Variants in DYM observed in about 807,000 individuals in gnomAD.
DYM encodes dyggve-Melchior-Clausen syndrome protein.
Under a neutral mutation model 93.1 loss-of-function variants are expected in DYM, and 78 were observed. The ratio of observed to expected loss-of-function variants is 0.84; its 90% CI spans 0.70 to 1.01. The LOEUF is 1.01. DYM is among the 50% of genes least tolerant of loss of function. The pLI, the probability that DYM is intolerant of heterozygous loss-of-function variation, is 0.00. For synonymous variants in DYM, 321 were observed against 319.7 expected (o/e 1.00, Z -0.04); for missense variants, 789 against 845.0 (o/e 0.93, Z 0.82).
intron 2 of DYM, among the ~76,000 whole-genome samples, chr18:49,410,147 C>T (rs2072056122): frequency 1.3e-5 from 2 of 152,144 alleles, no homozygotes; most frequent in Non-Finnish European, 2.9e-5. Flanking sequence ...CTCACTGCCG[C>T]TTAGAACTCC....
At chr18:49,049,950 T>G (rs2144312386) in intron 17 of DYM, among the ~76,000 whole-genome samples, 1 of 152,316 alleles carries the variant, frequency 6.6e-6, no homozygotes, top group East Asian at 1.9e-4. Context: ...CAAAGCTGTT[T>G]CAGTAAGAGA....
In DYM at chr18:49,379,717, T is replaced by C. The variant is rs1334023766; in HGVS notation, c.235A>G (p.Lys79Glu). ...PRTGNLGALI[K>E]VFLSRTKELK... ...TCTTTGGTTCTAGAAAGGAAGACCT[T>C]AATTAGTGCACCAAGATTTCCTGTT... Residue 79 changes from lysine to glutamate, a missense_variant, in exon 4 of 18, where the codon AAG becomes GAG. Lys to Glu is a moderately conservative substitution (Grantham distance 56). Coordinates refer to ENST00000675505, the MANE Select transcript of DYM (RefSeq NM_001353214.3). 1.9e-6 allele frequency: 3 copies of C among 1,613,400 alleles called. No homozygotes were observed. In the East Asian group the frequency reaches 6.7e-5, roughly 36 times the overall value.
intron 17 of DYM, among the ~76,000 whole-genome samples, chr18:49,063,647 A>G (rs1244523757): frequency 1.7e-5 from 2 of 116,192 alleles, no homozygotes; most frequent in African/African-American, 3.3e-5. Context: ...TTTTTTTTAG[A>G]CAGAGTTTAG....
At position 49,244,267 on chromosome 18, in the gene DYM, G is replaced by A. The variant is rs563474916; in HGVS notation, c.1460+12743C>T. Among the ~76,000 whole-genome samples, 12 of 152,296 alleles carry A rather than the reference G, an allele frequency of 7.9e-5. No homozygotes were observed. In the South Asian group the frequency reaches 1.0e-3, roughly 13 times the overall value. On this transcript the variant is annotated intron_variant, in intron 13 of 17. Transcript: ENST00000675505. ...TGGACTTGATTTTCTCATGAACTCC[G>A]ATTGGGAAAAGCTGCTTAGACCATC...
At chr18:49,251,394 GAT>G (rs1281773654) in intron 13 of DYM, among the ~76,000 whole-genome samples, 3 of 152,170 alleles carry the variant, frequency 2.0e-5, no homozygotes, top group Non-Finnish European at 2.9e-5. Context: ...GGTCCAGTAA[GAT>G]AGAATTTGAG....
chr18:49,080,988 C>T (rs1417471596), intron 17 of DYM, among the ~76,000 whole-genome samples: 1 of 151,012 alleles, frequency 6.6e-6, no homozygotes, highest in African/African-American at 2.4e-5. Context: ...GATGGGATGG[C>T]GGCCGGGCAG....
intron 6 of DYM, among the ~76,000 whole-genome samples, chr18:49,342,892 G>T (rs930816567): frequency 6.6e-6 from 1 of 152,138 alleles, no homozygotes; most frequent in Non-Finnish European, 1.5e-5. Context: ...TACACTCTAT[G>T]ATGTTTGCAC....
intron 13 of DYM, among the ~76,000 whole-genome samples, chr18:49,244,395 G>T (rs2094117432): frequency 6.6e-6 from 1 of 152,148 alleles, no homozygotes; most frequent in Admixed American, 6.5e-5. Flanking sequence ...TCAACAGGGG[G>T]ATCACATGTT....
At chr18:49,322,133 C>T (rs1238404646) in intron 8 of DYM, among the ~76,000 whole-genome samples, 2 of 152,080 alleles carry the variant, frequency 1.3e-5, no homozygotes, top group Non-Finnish European at 2.9e-5. Flanking sequence ...ATTTCTCTAT[C>T]ATAGCATTTG....
chr18:49,145,751 T>C (rs1409759721), intron 15 of DYM, among the ~76,000 whole-genome samples: 1 of 152,224 alleles, frequency 6.6e-6, no homozygotes, highest in African/African-American at 2.4e-5. Context: ...ATTCAACAAA[T>C]TCTTACTGAT....
intron 8 of DYM, among the ~76,000 whole-genome samples, chr18:49,300,682 T>C (rs763207095): frequency 5.3e-4 from 81 of 152,150 alleles, no homozygotes; most frequent in Non-Finnish European, 6.9e-4. Context: ...TGAGTTCTAC[T>C]TGTGAAGCAG....
At chr18:49,211,824 G>A (rs1177171657) in intron 13 of DYM, among the ~76,000 whole-genome samples, 1 of 152,134 alleles carries the variant, frequency 6.6e-6, no homozygotes, top group Non-Finnish European at 1.5e-5. Flanking sequence ...CCAAAACAGA[G>A]TAGTTAAAAA....
chr18:49,158,305 T>C (rs1318087528), intron 15 of DYM, among the ~76,000 whole-genome samples: 1 of 152,238 alleles, frequency 6.6e-6, no homozygotes, highest in Admixed American at 6.5e-5. Context: ...GTAGGTACTA[T>C]GCCTTCTTCA....
At chr18:49,219,419 A>G (rs1445062255) in intron 13 of DYM, among the ~76,000 whole-genome samples, 2 of 152,242 alleles carry the variant, frequency 1.3e-5, no homozygotes, top group Non-Finnish European at 2.9e-5. Flanking sequence ...GGCCAGCATC[A>G]TCCTGATACC....
chr18:49,329,461 A>G (rs1167637261), intron 8 of DYM: 1 of 152,262 alleles, frequency 6.6e-6, no homozygotes, highest in Non-Finnish European at 1.5e-5. Context: ...AAAGGAGAGT[A>G]TCAGGGTGCA....
chr18:49,294,385 G>A (rs1256631230), intron 8 of DYM, among the ~76,000 whole-genome samples: 1 of 152,132 alleles, frequency 6.6e-6, no homozygotes, highest in Non-Finnish European at 1.5e-5. Flanking sequence ...GGATGGCATT[G>A]AAACTATAAA....
chr18:49,133,308 T>C (rs377555603), intron 15 of DYM, among the ~76,000 whole-genome samples: 16 of 152,324 alleles, frequency 1.1e-4, no homozygotes, highest in East Asian at 9.6e-4. Flanking sequence ...TGGATGTCTA[T>C]TGCACAATAA....
In DYM at chr18:49,117,368, G is replaced by A. The variant is rs531152468; in HGVS notation, c.1911+1376C>T. Among the ~76,000 whole-genome samples the A allele has an allele frequency of 2.0e-5, 3 of 152,174 alleles. No individual in the cohort carries two copies. In the South Asian group the frequency reaches 6.2e-4, roughly 32 times the overall value. On this transcript the variant is annotated intron_variant, in intron 16 of 17. Coordinates refer to ENST00000675505, the MANE Select transcript of DYM (RefSeq NM_001353214.3). ...GAAAAAGCCATGAAAATCAATGAAT[G>A]GATTTGCAACAGTATACTCAACTGT... is the stretch of plus-strand genomic sequence containing the variant.
intron 13 of DYM, among the ~76,000 whole-genome samples, chr18:49,235,173 C>T (rs1484816826): frequency 1.3e-5 from 2 of 152,188 alleles, no homozygotes; most frequent in Non-Finnish European, 2.9e-5. Context: ...GTTGATTAAG[C>T]AGTTAAGTTT....
Sources: gnomAD v4.1 joint callset for allele counts (sites outside exome capture counted in the v4.1 genomes callset) on GRCh38, gnomAD v4.1.1 for gene constraint, MANE v1.5 for transcripts, NCBI Gene and HGNC (gene_info 2026-07-23, HGNC 2026-07-21) for gene names.